ARFIP1: variants seen among roughly 807,000 people sequenced by gnomAD.
ARFIP1 encodes ARF interacting protein 1.
In ARFIP1, 24 loss-of-function variants were observed where a neutral mutation model predicts 42.5. The ratio of observed to expected loss-of-function variants is 0.57; its 90% CI spans 0.41 to 0.80. ARFIP1 has a LOEUF of 0.80. Ranked by LOEUF, ARFIP1 falls within the 30% of genes least tolerant of loss-of-function variation. The probability of loss-of-function intolerance (pLI) is 0.00; values close to 1 mark genes in which losing one functional copy is unlikely to be tolerated. For missense variants in ARFIP1, 354 were observed against 434.0 expected, an observed-to-expected ratio of 0.82 and a Z score of 1.64; for synonymous variants, 141 against 153.7, an observed-to-expected ratio of 0.92 and a Z score of 0.61.
At chr4:152,857,532 G>A (rs1228618020) in intron 2 of ARFIP1, among the ~76,000 whole-genome samples, 1 of 152,160 alleles carries the variant, frequency 6.6e-6, no homozygotes, top group Non-Finnish European at 1.5e-5. Flanking sequence ...CACTTCAAGT[G>A]TTTGTCAAGA....
intron 1 of ARFIP1, among the ~76,000 whole-genome samples, chr4:152,829,143 G>A (rs1731069423): frequency 6.6e-6 from 1 of 152,158 alleles, no homozygotes; most frequent in Non-Finnish European, 1.5e-5. Context: ...CTTGAAGTCT[G>A]GTGATAGACA....
chr4:152,786,640 A>T (rs1336472102), intron 1 of ARFIP1, among the ~76,000 whole-genome samples: 5 of 152,168 alleles, frequency 3.3e-5, no homozygotes, highest in Admixed American at 1.3e-4. Context: ...TTATTTTGAA[A>T]CACACATTGG....
intron 8 of ARFIP1, among the ~76,000 whole-genome samples, chr4:152,899,022 C>T (rs77479663): frequency 0.047 from 7,225 of 152,196 alleles, 578 homozygotes; most frequent in African/African-American, 0.16. Flanking sequence ...GTCTGCTGAT[C>T]CCTGCGGTGA....
intron 1 of ARFIP1, among the ~76,000 whole-genome samples, chr4:152,813,730 GTTA>G (rs1343253882): frequency 4.0e-5 from 6 of 151,804 alleles, no homozygotes; most frequent in African/African-American, 1.2e-4. Context: ...GATAATAATT[GTTA>G]TTATAGATAT....
At chr4:152,823,924 A>G (rs1338805115) in intron 1 of ARFIP1, among the ~76,000 whole-genome samples, 1 of 152,146 alleles carries the variant, frequency 6.6e-6, no homozygotes, top group Non-Finnish European at 1.5e-5. Flanking sequence ...ACATAACAAA[A>G]AAGAAAACTA....
At chr4:152,788,381 T>C (rs1347101161) in intron 1 of ARFIP1, among the ~76,000 whole-genome samples, 1 of 151,758 alleles carries the variant, frequency 6.6e-6, no homozygotes, top group Non-Finnish European at 1.5e-5. Flanking sequence ...ATACCCACTT[T>C]CCCCTATTAT....
intron 1 of ARFIP1, among the ~76,000 whole-genome samples, chr4:152,785,482 T>C (rs1730745586): frequency 6.6e-6 from 1 of 152,352 alleles, no homozygotes; most frequent in African/African-American, 2.4e-5. Flanking sequence ...CAGGACCTTA[T>C]CTGTTTTGTT....
At chr4:152,821,775 C>CT (rs1215288055) in intron 1 of ARFIP1, among the ~76,000 whole-genome samples, 1 of 152,174 alleles carries the variant, frequency 6.6e-6, no homozygotes, top group Non-Finnish European at 1.5e-5. Context: ...GAAAAACAGA[C>CT]TAACAGCAGA....
At chr4:152,866,076 C>G (rs969270879) in intron 3 of ARFIP1, among the ~76,000 whole-genome samples, 12 of 151,956 alleles carry the variant, frequency 7.9e-5, no homozygotes, top group East Asian at 1.9e-4. Flanking sequence ...TGACTCTTAA[C>G]GAGCATGTTG....
chr4:152,800,677 T>C (rs1274853810), intron 1 of ARFIP1, among the ~76,000 whole-genome samples: 1 of 152,190 alleles, frequency 6.6e-6, no homozygotes, highest in Non-Finnish European at 1.5e-5. Context: ...CATATACCTA[T>C]TTCTAATATT....
chr4:152,859,817 C>T (rs973152109), intron 2 of ARFIP1, among the ~76,000 whole-genome samples: 1 of 150,434 alleles, frequency 6.6e-6, no homozygotes, highest in African/African-American at 2.5e-5. Context: ...ACAGATCTCT[C>T]CGACTTGTAA....
intron 2 of ARFIP1, among the ~76,000 whole-genome samples, chr4:152,845,499 T>G (rs1732467529): frequency 6.6e-6 from 1 of 152,000 alleles, no homozygotes; most frequent in South Asian, 2.1e-4. Flanking sequence ...ACTTAAACAA[T>G]TGAACAAGCA....
intron 6 of ARFIP1, among the ~76,000 whole-genome samples, chr4:152,881,773 G>A (rs1308887706): frequency 6.6e-6 from 1 of 152,072 alleles, no homozygotes; most frequent in African/African-American, 2.4e-5. Context: ...AATGGTTTTA[G>A]CATAATAAGG....
At chr4:152,842,700 T>C (rs1732193791) in intron 2 of ARFIP1, among the ~76,000 whole-genome samples, 1 of 152,200 alleles carries the variant, frequency 6.6e-6, no homozygotes, top group Admixed American at 6.5e-5. Flanking sequence ...TGTTCAATTC[T>C]GTTGCTGAGA....
At chr4:152,892,054 C>T (rs528681284) in intron 8 of ARFIP1, among the ~76,000 whole-genome samples, 1 of 152,078 alleles carries the variant, frequency 6.6e-6, no homozygotes, top group African/African-American at 2.4e-5. Context: ...CCTATTTCTT[C>T]CCCCCAACCA....
intron 2 of ARFIP1, among the ~76,000 whole-genome samples, chr4:152,832,991 A>G (rs2149848765): frequency 6.6e-6 from 1 of 152,316 alleles, no homozygotes; most frequent in East Asian, 1.9e-4. Flanking sequence ...TCTTGGCAAT[A>G]ATTTTTTGAT....
At chr4:152,831,400 A>G (rs974948780) in intron 2 of ARFIP1, among the ~76,000 whole-genome samples, 4 of 152,230 alleles carry the variant, frequency 2.6e-5, no homozygotes, top group Non-Finnish European at 2.9e-5. Context: ...AAAATGTTGC[A>G]TTCATGGTTA....
At chr4:152,790,198 G>C (rs1392068176) in intron 1 of ARFIP1, among the ~76,000 whole-genome samples, 1 of 152,010 alleles carries the variant, frequency 6.6e-6, no homozygotes, top group African/African-American at 2.4e-5. Flanking sequence ...GAATATTGAA[G>C]GGGTTTATTT....
chr4:152,790,726 A>G, intron 1 of ARFIP1, among the ~76,000 whole-genome samples: 1 of 125,626 alleles, frequency 8.0e-6, no homozygotes, highest in Non-Finnish European at 1.7e-5. Flanking sequence ...TGATGTGTTT[A>G]TCTTTTTTTT....
Sources: gnomAD v4.1 joint callset for allele counts (sites outside exome capture counted in the v4.1 genomes callset) on GRCh38, gnomAD v4.1.1 for gene constraint, MANE v1.5 for transcripts, NCBI Gene and HGNC (gene_info 2026-07-23, HGNC 2026-07-21) for gene names.